Variants in RXRA observed in about 807,000 individuals in gnomAD.
RXRA encodes the protein retinoid X receptor alpha.
A neutral mutation model predicts 44.5 loss-of-function variants in RXRA; 5 were observed. That is an observed-to-expected ratio of 0.11 (90% CI 0.06 to 0.24). RXRA has a LOEUF of 0.24. Ranked by LOEUF, RXRA falls within the 10% of genes least tolerant of loss-of-function variation. RXRA has a pLI of 1.00. For missense variants in RXRA, 412 were observed against 646.5 expected (o/e 0.64, Z 3.93); for synonymous variants, 291 against 271.4 (o/e 1.07, Z -0.71).
chr9:134,341,501 C>T (rs1302428389), intron 1 of RXRA, among the ~76,000 whole-genome samples: 1 of 152,064 alleles, frequency 6.6e-6, no homozygotes, highest in African/African-American at 2.4e-5. Flanking sequence ...ATTTTTATTT[C>T]CTATTTTTAC....
At chr9:134,367,050 C>A (rs765792847) in intron 1 of RXRA, among the ~76,000 whole-genome samples, 1 of 152,162 alleles carries the variant, frequency 6.6e-6, no homozygotes, top group Non-Finnish European at 1.5e-5. Context: ...CGGGTCACCT[C>A]CCGTAACAGT....
At chr9:134,428,955 TTTTC>T (rs1321508971) in intron 6 of RXRA, among the ~76,000 whole-genome samples, 149 bp from the exon 7 acceptor site, 2 of 152,206 alleles carry the variant, frequency 1.3e-5, no homozygotes, top group Non-Finnish European at 2.9e-5. Flanking sequence ...CAGGAACCTC[TTTTC>T]TGTGGAACAC....
At chr9:134,436,008 G>GT (rs1831613834) in intron 9 of RXRA, among the ~76,000 whole-genome samples, 1 of 152,140 alleles carries the variant, frequency 6.6e-6, no homozygotes, top group Non-Finnish European at 1.5e-5. Context: ...CCTTGCTACT[G>GT]TTTTTCTCTT....
intron 1 of RXRA, among the ~76,000 whole-genome samples, chr9:134,363,952 G>T (rs1265838405): frequency 2.0e-5 from 3 of 152,184 alleles, no homozygotes; most frequent in African/African-American, 7.2e-5. Context: ...AAGAGAAAGG[G>T]TTGTGCCAAG....
chr9:134,361,540 T>C (rs1588264285), intron 1 of RXRA, among the ~76,000 whole-genome samples: 1 of 152,042 alleles, frequency 6.6e-6, no homozygotes, highest in Non-Finnish European at 1.5e-5. Flanking sequence ...GGCACTGAGG[T>C]GTTGCGTCTC....
intron 4 of RXRA, among the ~76,000 whole-genome samples, chr9:134,415,577 C>T (rs1471650684): frequency 6.6e-6 from 1 of 152,050 alleles, no homozygotes; most frequent in South Asian, 2.1e-4. Flanking sequence ...GGATGAGCCC[C>T]GCCACAGGCC....
chr9:134,426,166 G>A lies in RXRA; in HGVS notation c.911-2942G>A, dbSNP rs550332141. ...CCCCAGGCAAGACTCTTTGTCCTGCGCTTGGAGCCTGGAGTAAGACCTGGT... is the reference window on the plus strand; with the variant it reads ...CCCCAGGCAAGACTCTTTGTCCTGCACTTGGAGCCTGGAGTAAGACCTGGT... On this transcript the variant is annotated intron_variant, in intron 6 of 9. Coordinates refer to ENST00000481739, the MANE Select transcript of RXRA (RefSeq NM_002957.6). The surrounding 1 kb of genome is among the most constrained non-coding windows in gnomAD (Gnocchi z 4.6). 76 of 985,390 alleles carry A rather than the reference G, an allele frequency of 7.7e-5. No homozygotes were observed. In the South Asian group the frequency reaches 8.5e-4, roughly 11 times the overall value. The allele number at this position is 985,390 out of a possible 1,614,324, so 61.0% of individuals were successfully genotyped here. A position where few individuals can be genotyped will look rare whatever the true frequency, so the allele number is the denominator to read the frequency against.
At chr9:134,335,810 C>T (rs1297554361) in intron 1 of RXRA, among the ~76,000 whole-genome samples, 2 of 152,136 alleles carry the variant, frequency 1.3e-5, no homozygotes, top group Non-Finnish European at 2.9e-5. Context: ...CTGGGAGGAA[C>T]GGCTGGGGCC....
intron 1 of RXRA, among the ~76,000 whole-genome samples, chr9:134,374,309 C>A (rs958832770): frequency 6.6e-6 from 1 of 152,252 alleles, no homozygotes; most frequent in African/African-American, 2.4e-5. Context: ...CACTCACCAC[C>A]TGTGGGATGG....
intron 1 of RXRA, among the ~76,000 whole-genome samples, chr9:134,336,535 C>T (rs529580261): frequency 3.3e-5 from 5 of 152,278 alleles, no homozygotes; most frequent in East Asian, 3.9e-4. Flanking sequence ...GGAAGTGTGC[C>T]GCTGTGCCCC....
In RXRA at chr9:134,426,280, A is replaced by G. The variant is rs1831433144; in HGVS notation, c.911-2828A>G. The G allele has an allele frequency of 2.0e-6, 2 of 985,454 alleles. No homozygotes were observed. Among genetic ancestry groups the G allele is most frequent in the Non-Finnish European group, 2.4e-6 (2 of 829,926 alleles). The allele number at this position is 985,454 out of a possible 1,614,324, so 61.0% of individuals were successfully genotyped here. ...TGTCCGTGCCGGGCCCCCACATCAC[A>G]GGGCCAGGAGCCCTCCTTCCTGCAG... On this transcript the variant is annotated intron_variant, in intron 6 of 9. Coordinates refer to ENST00000481739, the MANE Select transcript of RXRA (RefSeq NM_002957.6). This position sits in a 1 kb window ranked among gnomAD's most constrained non-coding sequence, Gnocchi z 4.6.
chr9:134,415,495 A>G (rs1348032609), intron 4 of RXRA, among the ~76,000 whole-genome samples: 1 of 152,134 alleles, frequency 6.6e-6, no homozygotes, highest in East Asian at 1.9e-4. Context: ...GGACATGGTC[A>G]GTCCATGGGT....
At chr9:134,332,136 TAGG>T (rs1835015461) in intron 1 of RXRA, among the ~76,000 whole-genome samples, 1 of 152,104 alleles carries the variant, frequency 6.6e-6, no homozygotes, top group African/African-American at 2.4e-5. Context: ...GGGTGGTGGC[TAGG>T]AGAAGTCCCC....
rs1286447169 is a variant in RXRA at position 134,438,094 on chromosome 9, C to G, written c.*1480C>G. The stretch of plus-strand genomic sequence containing the variant: ...GCCTGAGTACTTTTCCCGTTCACGC[C>G]TCAGTCCCGTGGACCCAGCCTTTGT... On this transcript the variant is annotated 3_prime_UTR_variant, in exon 10 of 10. Transcript: ENST00000481739. 1 of 152,706 alleles carries G rather than the reference C, an allele frequency of 6.5e-6. No homozygotes were observed. Among genetic ancestry groups the G allele is most frequent in the African/African-American group, 2.4e-5 (1 of 41,466 alleles). The allele number at this position is 152,706 out of a possible 1,614,324, so 9.5% of individuals were successfully genotyped here. A position where few individuals can be genotyped will look rare whatever the true frequency, so the allele number is the denominator to read the frequency against.
intron 6 of RXRA, chr9:134,422,998 C>G (rs1360937150): frequency 1.0e-6 from 1 of 985,384 alleles, no homozygotes; most frequent in Non-Finnish European, 1.2e-6. Flanking sequence ...GCATCACACT[C>G]CCCGTGATGC....
At chr9:134,379,439 CA>C (rs1287466770) in intron 1 of RXRA, 26 of 987,296 alleles carry the variant, frequency 2.6e-5, no homozygotes, top group Non-Finnish European at 2.8e-5. Flanking sequence ...GCCATCCAGG[CA>C]TCTGTGTCTG....
chr9:134,375,974 C>T (rs964002351), intron 1 of RXRA, among the ~76,000 whole-genome samples: 16 of 150,100 alleles, frequency 1.1e-4, no homozygotes, highest in African/African-American at 3.2e-4. Flanking sequence ...GCTTCCCCCC[C>T]ACCCCACCCC....
intron 1 of RXRA, among the ~76,000 whole-genome samples, chr9:134,372,541 C>T (rs976494876): frequency 1.3e-5 from 2 of 150,850 alleles, no homozygotes; most frequent in African/African-American, 2.4e-5. Flanking sequence ...GAGGGCATCA[C>T]GGAGGCCTCC....
chr9:134,367,597 C>T (rs765670174), intron 1 of RXRA, among the ~76,000 whole-genome samples: 12 of 152,238 alleles, frequency 7.9e-5, no homozygotes, highest in Admixed American at 3.3e-4. Flanking sequence ...GCCAAGCTGT[C>T]GGTGCAGTGC....
Sources: gnomAD v4.1 joint callset for allele counts (sites outside exome capture counted in the v4.1 genomes callset) on GRCh38, gnomAD v4.1.1 for gene constraint, Gnocchi (gnomAD v3.1) non-coding constraint, MANE v1.5 for transcripts, NCBI Gene and HGNC (gene_info 2026-07-23, HGNC 2026-07-21) for gene names.